The following LONP2 variants were observed in gnomAD, a reference collection of about 807,000 sequenced individuals.
LONP2 encodes lon protease homolog 2, peroxisomal.
Under a neutral mutation model 85.6 loss-of-function variants are expected in LONP2, and 60 were observed. The observed-to-expected ratio is 0.70, with a 90% CI of 0.57 to 0.87. The LOEUF (loss-of-function observed/expected upper bound fraction) is 0.87, where lower values mean the gene tolerates loss of function less well. Ranked by LOEUF, LONP2 falls within the 40% of genes least tolerant of loss-of-function variation. The pLI is 0.00. For synonymous variants in LONP2, 395 were observed against 389.7 expected, an observed-to-expected ratio of 1.01 and a Z score of -0.16; for missense variants, 860 against 1,063.5, an observed-to-expected ratio of 0.81 and a Z score of 2.66.
chr16:48,316,323 C>CTT (rs776343152), intron 11 of LONP2, among the ~76,000 whole-genome samples: 5,700 of 105,912 alleles, frequency 0.054, 233 homozygotes, highest in Middle Eastern at 0.096. Context: ...CCATTGGATT[C>CTT]TTTTTTTTTT....
intron 2 of LONP2, among the ~76,000 whole-genome samples, chr16:48,254,883 T>C (rs1971726861): frequency 6.6e-6 from 1 of 152,324 alleles, no homozygotes; most frequent in East Asian, 1.9e-4. Flanking sequence ...AAATGAGTTT[T>C]AACTGTTTTA....
rs947179202 is a variant in LONP2 at position 48,353,276 on chromosome 16, C to G, written c.*1474C>G. On this transcript the variant is annotated 3_prime_UTR_variant, in exon 15 of 15. Coordinates refer to ENST00000285737, the MANE Select transcript of LONP2 (RefSeq NM_031490.5). ...ACCCTAGCACTTTAGGAAATCGAGG[C>G]GAGTGGATCACTTAAGCTCAGGAGT... The G allele has an allele frequency of 2.6e-5, 4 of 151,488 alleles. No homozygotes were observed. The highest frequency in any genetic ancestry group is 5.9e-5 in the Non-Finnish European group (4 of 67,916). 9.4% of individuals were successfully genotyped at this position (151,488 alleles called of 1,614,324 possible). A position where few individuals can be genotyped will look rare whatever the true frequency, so the allele number is the denominator to read the frequency against.
intron 8 of LONP2, among the ~76,000 whole-genome samples, chr16:48,293,202 G>A (rs1972592124): frequency 6.6e-6 from 1 of 152,126 alleles, no homozygotes; most frequent in South Asian, 2.1e-4. Flanking sequence ...GCCGAGGTGG[G>A]CAGATCACGA....
chr16:48,338,101 C>T (rs1195654726), intron 12 of LONP2, among the ~76,000 whole-genome samples: 17 of 152,166 alleles, frequency 1.1e-4, no homozygotes, highest in Admixed American at 1.1e-3. Context: ...AGCCACCAAA[C>T]CCAGCCGATA....
intron 11 of LONP2, among the ~76,000 whole-genome samples, chr16:48,314,321 G>A (rs1413585228): frequency 1.3e-5 from 2 of 152,044 alleles, no homozygotes; most frequent in African/African-American, 2.4e-5. Flanking sequence ...GATCCCATTT[G>A]TCAATTTTTG....
Position 48,244,336 on chromosome 16 carries a change from G to A in LONP2, c.-53G>A. ...TTGGTGACTGCGGGGCAGGCCGGGG[G>A]CAGCTGTCTGTCTGGCTCTTTTTGA... On this transcript the variant is annotated 5_prime_UTR_variant, in exon 1 of 15. Coordinates refer to ENST00000285737, the MANE Select transcript of LONP2 (RefSeq NM_031490.5). 1 of 1,333,562 alleles carries A rather than the reference G, an allele frequency of 7.5e-7. No homozygotes were observed. The allele number at this position is 1,333,562 out of a possible 1,614,324, so 82.6% of individuals were successfully genotyped here. A position where few individuals can be genotyped will look rare whatever the true frequency, so the allele number is the denominator to read the frequency against.
intron 14 of LONP2, among the ~76,000 whole-genome samples, chr16:48,349,849 G>A (rs757443296): frequency 8.5e-5 from 13 of 152,182 alleles, no homozygotes; most frequent in Non-Finnish European, 1.5e-4. Flanking sequence ...TCTTGAGATC[G>A]AAAGGACCAT....
At chr16:48,250,188 TA>T (rs1971599919) in intron 1 of LONP2, among the ~76,000 whole-genome samples, 1 of 150,038 alleles carries the variant, frequency 6.7e-6, no homozygotes, top group South Asian at 2.1e-4. Flanking sequence ...AGACTCCCTC[TA>T]AAAAACAAAC....
At chr16:48,281,609 A>G (rs1407224927) in intron 8 of LONP2, among the ~76,000 whole-genome samples, 2 of 152,308 alleles carry the variant, frequency 1.3e-5, no homozygotes, top group Admixed American at 6.5e-5. Context: ...TTAAATATGA[A>G]TGCATATCTC....
At chr16:48,279,693 ATT>A (rs1972286510) in intron 8 of LONP2, among the ~76,000 whole-genome samples, 1 of 152,082 alleles carries the variant, frequency 6.6e-6, no homozygotes, top group Non-Finnish European at 1.5e-5. Context: ...TGCTTCCTAA[ATT>A]TATTTCAGCC....
chr16:48,302,198 G>A (rs866099412), intron 10 of LONP2, among the ~76,000 whole-genome samples: 3 of 152,166 alleles, frequency 2.0e-5, no homozygotes, highest in Admixed American at 1.3e-4. Context: ...AAGCCCAAAT[G>A]TAGAAGTTGT....
chr16:48,262,563 G>C (rs1971900101), intron 5 of LONP2, among the ~76,000 whole-genome samples: 1 of 152,180 alleles, frequency 6.6e-6, no homozygotes, highest in Admixed American at 6.5e-5. Context: ...ACTCCAGAAG[G>C]GGCAGTTAAG....
chr16:48,314,831 A>G (rs914433588), intron 11 of LONP2, among the ~76,000 whole-genome samples: 3 of 152,162 alleles, frequency 2.0e-5, no homozygotes, highest in African/African-American at 4.8e-5. Flanking sequence ...GTGTATGACA[A>G]TGCAATATTG....
intron 12 of LONP2, among the ~76,000 whole-genome samples, chr16:48,341,490 C>A (rs1465793661): frequency 6.6e-6 from 1 of 151,850 alleles, no homozygotes; most frequent in African/African-American, 2.4e-5. Context: ...AACTCACTCA[C>A]TATTGCGAGG....
chr16:48,345,644 T>G (rs1232841756), intron 12 of LONP2: 2 of 152,254 alleles, frequency 1.3e-5, no homozygotes, highest in African/African-American at 2.4e-5. Flanking sequence ...AAGTGTGACC[T>G]GAGGTACATG....
chr16:48,276,306 C>A (rs978595241), intron 7 of LONP2, among the ~76,000 whole-genome samples: 1 of 152,144 alleles, frequency 6.6e-6, no homozygotes, highest in Non-Finnish European at 1.5e-5. Flanking sequence ...TTCTGTCCTA[C>A]TTTATACCAG....
chr16:48,329,401 C>T (rs1959364937), intron 11 of LONP2, among the ~76,000 whole-genome samples: 1 of 152,208 alleles, frequency 6.6e-6, no homozygotes, highest in African/African-American at 2.4e-5. Flanking sequence ...CAGCAGCCAT[C>T]TCACTTACCA....
intron 7 of LONP2, among the ~76,000 whole-genome samples, chr16:48,271,225 CATT>C (rs1183661254): frequency 4.6e-5 from 7 of 152,114 alleles, no homozygotes; most frequent in Non-Finnish European, 1.5e-5. Flanking sequence ...ATTAATCTGA[CATT>C]ATTAGAATCA....
chr16:48,322,329 A>T (rs1051947509), intron 11 of LONP2, among the ~76,000 whole-genome samples: 6 of 152,146 alleles, frequency 3.9e-5, no homozygotes, highest in African/African-American at 1.4e-4. Flanking sequence ...AAGCTTTTTT[A>T]AAAATTGTTT....
Sources: gnomAD v4.1 joint callset for allele counts (sites outside exome capture counted in the v4.1 genomes callset) on GRCh38, gnomAD v4.1.1 for gene constraint, MANE v1.5 for transcripts, NCBI Gene and HGNC (gene_info 2026-07-23, HGNC 2026-07-21) for gene names.